Variants in SRCIN1 observed in about 807,000 individuals in gnomAD.
SRCIN1 encodes SRC kinase signaling inhibitor 1.
SRCIN1 carries 50 observed loss-of-function variants against 116.2 expected under a neutral mutation model. That is an observed-to-expected ratio of 0.43 (90% CI 0.34 to 0.54). SRCIN1 has a LOEUF of 0.54. Ranked by LOEUF, SRCIN1 falls within the 20% of genes least tolerant of loss-of-function variation. The pLI is 0.02. For synonymous variants in SRCIN1, 736 were observed against 750.0 expected, an observed-to-expected ratio of 0.98 and a Z score of 0.30; for missense variants, 1,446 against 1,672.0, an observed-to-expected ratio of 0.86 and a Z score of 2.36.
intron 1 of SRCIN1, among the ~76,000 whole-genome samples, chr17:38,581,887 A>T (rs554667401): frequency 9.9e-5 from 15 of 152,028 alleles, no homozygotes; most frequent in African/African-American, 3.6e-4. Context: ...GCCTCCCATA[A>T]CCCCTGACCT....
At chr17:38,547,564 G>A (rs1338128087) in intron 17 of SRCIN1, among the ~76,000 whole-genome samples, 1 of 152,198 alleles carries the variant, frequency 6.6e-6, no homozygotes. Flanking sequence ...AAGCAGCGGG[G>A]AGGAAGGGTT....
At chr17:38,537,219 A>G (rs1904444658) in intron 18 of SRCIN1, among the ~76,000 whole-genome samples, 1 of 150,486 alleles carries the variant, frequency 6.6e-6, no homozygotes, top group African/African-American at 2.5e-5. Context: ...AGCTGTGTGA[A>G]GCCGGGCTTG....
intron 1 of SRCIN1, among the ~76,000 whole-genome samples, chr17:38,586,485 C>G (rs1312081155): frequency 1.3e-5 from 2 of 152,228 alleles, no homozygotes; most frequent in African/African-American, 4.8e-5. Context: ...GCAAGGGAAA[C>G]TGAGGCTCAG....
chr17:38,589,271 C>T (rs981564651), intron 1 of SRCIN1, among the ~76,000 whole-genome samples: 6 of 152,228 alleles, frequency 3.9e-5, no homozygotes, highest in Non-Finnish European at 7.3e-5. Context: ...ATGCAGGGGT[C>T]TACATACCTG....
intron 1 of SRCIN1, among the ~76,000 whole-genome samples, chr17:38,583,777 G>A (rs1907956482): frequency 6.6e-6 from 1 of 151,774 alleles, no homozygotes; most frequent in African/African-American, 2.4e-5. Context: ...GGTCTCCAAC[G>A]CCTGACCTCA....
chr17:38,541,477 A>C (rs2144896142), intron 18 of SRCIN1: 1 of 152,186 alleles, frequency 6.6e-6, no homozygotes, highest in East Asian at 1.9e-4. Context: ...TTATGTCTGG[A>C]CACACGCATT....
intron 1 of SRCIN1, among the ~76,000 whole-genome samples, chr17:38,603,139 C>G (rs937108719): frequency 3.3e-5 from 5 of 152,084 alleles, no homozygotes; most frequent in Non-Finnish European, 7.4e-5. Flanking sequence ...CTAATTAAAC[C>G]CTTTTTCCAG....
chr17:38,564,270 G>A lies in SRCIN1; in HGVS notation c.389C>T (p.Ala130Val). The change falls in exon 4 of 19, where the codon GCA (alanine) becomes GTA (valine). Residue 130 changes from alanine to valine, a missense_variant. By Grantham distance (64) the Ala-to-Val change is moderately conservative. This residue lies in a region of SRCIN1 where 246 missense variants were observed against 265.1 expected (regional missense o/e 0.93). Coordinates refer to ENST00000617146, the MANE Select transcript of SRCIN1 (RefSeq NM_025248.3). ...GTAGGACAGCTTTGCCGCCTGGTCTGCCAGCCCGGGCTGGGCTCCCTGAGT... is the reference window on the plus strand; with the variant it reads ...GTAGGACAGCTTTGCCGCCTGGTCTACCAGCCCGGGCTGGGCTCCCTGAGT... ...RHTQGAQPGL[A>V]DQAAKLSYAS... 6.4e-7 allele frequency: 1 copy of A among 1,572,210 alleles called. No individual in the cohort carries two copies. The highest frequency in any genetic ancestry group is 1.2e-5 in the South Asian group (1 of 85,902).
At position 38,558,247 on chromosome 17, in the gene SRCIN1, C is replaced by T. The variant is rs760262369; in HGVS notation, c.2181G>A (p.Glu727=). The stretch of plus-strand genomic sequence containing the variant: ...CTCACTTGAGCTGCTGGGTAATAAG[C>T]TCCTCGTCGTTGAGATAGCGCAGCC... ...EERLRYLNDE[E]LITQQLNDLE... The change falls in exon 11 of 19, where the codon GAG becomes GAA. Residue 727 remains glutamate, a synonymous_variant. Coordinates refer to ENST00000617146, the MANE Select transcript of SRCIN1 (RefSeq NM_025248.3). This position sits in a 1 kb window ranked among gnomAD's most constrained non-coding sequence, Gnocchi z 4.6. The T allele has an allele frequency of 2.5e-6, 4 of 1,612,888 alleles. No individual in the cohort carries two copies. The Admixed American group carries it at 6.7e-5, about 27-fold the overall frequency.
At position 38,551,935 on chromosome 17, in the gene SRCIN1, C is replaced by T. The variant is rs750439874; in HGVS notation, c.2678G>A (p.Gly893Asp). The T allele has an allele frequency of 1.2e-6, 2 of 1,614,070 alleles. No homozygotes were observed. The highest frequency in any genetic ancestry group is 8.5e-7 in the Non-Finnish European group (1 of 1,179,910). ...LTPKGGNPTK[G>D]LDTPGKRSVD... Reference sequence around the variant, plus strand: ...GCTTCTCTTGCCAGGAGTGTCCAGGCCTTTGGTGGGGTTGCCCCCCTTGGG... The same window carrying T: ...GCTTCTCTTGCCAGGAGTGTCCAGGTCTTTGGTGGGGTTGCCCCCCTTGGG... Residue 893 changes from glycine to aspartate, a missense_variant, in exon 14 of 19, where the codon GGC (glycine) becomes GAC (aspartate). By Grantham distance (94) the Gly-to-Asp change is moderately conservative (BLOSUM62 -1). This residue lies in a region of SRCIN1 where 531 missense variants were observed against 633.9 expected (regional missense o/e 0.84). Coordinates refer to ENST00000617146, the MANE Select transcript of SRCIN1 (RefSeq NM_025248.3).
chr17:38,540,941 G>A lies in SRCIN1; in HGVS notation c.3417+2882C>T, dbSNP rs550033885. Among the ~76,000 whole-genome samples the A allele has an allele frequency of 3.3e-5, 5 of 152,238 alleles. No homozygotes were observed. The East Asian group carries it at 9.6e-4, about 29-fold the overall frequency. ...CCCTGCTTCTCTATACTTTACTGTTGAAAATTTCCACAGGGAGGCTGGTGG... is the reference window on the plus strand; with the variant it reads ...CCCTGCTTCTCTATACTTTACTGTTAAAAATTTCCACAGGGAGGCTGGTGG... On this transcript the variant is annotated intron_variant, in intron 18 of 18. Coordinates refer to ENST00000617146, the MANE Select transcript of SRCIN1 (RefSeq NM_025248.3).
chr17:38,533,454 G>A (rs1320209239), intron 18 of SRCIN1, 23 bp from the exon 19 acceptor site: 2 of 1,610,354 alleles, frequency 1.2e-6, no homozygotes, highest in Non-Finnish European at 1.7e-6. Context: ...CAGGGGTCAG[G>A]GGTCAGAGAG....
At chr17:38,588,167 TTCTGATC>T (rs1377186270) in intron 1 of SRCIN1, among the ~76,000 whole-genome samples, 1 of 152,152 alleles carries the variant, frequency 6.6e-6, no homozygotes, top group East Asian at 1.9e-4. Context: ...AGTCAGTTTC[TTCTGATC>T]TACCCCGGAG....
Position 38,551,973 on chromosome 17 carries a change from T to G in SRCIN1, c.2640A>C (p.Gly880=). 1.2e-6 allele frequency: 2 copies of G among 1,614,036 alleles called. No individual in the cohort carries two copies. The highest frequency in any genetic ancestry group is 1.7e-6 in the Non-Finnish European group (2 of 1,179,894). The part of the protein sequence containing the change: ...NLHELSGPAE[G]ASLTPKGGNP... Reference sequence around the variant, plus strand: ...TGCCCCCCTTGGGGGTAAGAGAGGCTCCTTCAGCTGGCCCGCTCAGCTCAT... The same window carrying G: ...TGCCCCCCTTGGGGGTAAGAGAGGCGCCTTCAGCTGGCCCGCTCAGCTCAT... The change falls in exon 14 of 19, where the codon GGA becomes GGC. Residue 880 remains glycine, a synonymous_variant. Coordinates refer to ENST00000617146, the MANE Select transcript of SRCIN1 (RefSeq NM_025248.3).
At chr17:38,547,839 G>A (rs576213681) in intron 17 of SRCIN1, 19 of 217,334 alleles carry the variant, frequency 8.7e-5, no homozygotes, top group Non-Finnish European at 1.3e-4. Flanking sequence ...AGCTGGCGGC[G>A]GGGCGTGGGG....
Position 38,562,758 on chromosome 17 carries a change from G to A in SRCIN1, c.834+69C>T, listed in dbSNP as rs35608876. The A allele has an allele frequency of 2.8e-6, 4 of 1,406,890 alleles. No individual in the cohort carries two copies. In the African/African-American group the frequency reaches 4.3e-5, roughly 15 times the overall value. 87.2% of individuals were successfully genotyped at this position (1,406,890 alleles called of 1,614,324 possible). ...CTGGCCCTGGTTCCAGATGACAACT[G>A]CCCAGACCCTGCTCCCCTGGACCCC... On this transcript the variant is annotated intron_variant, in intron 6 of 18. Coordinates refer to ENST00000617146, the MANE Select transcript of SRCIN1 (RefSeq NM_025248.3). This position sits in a 1 kb window ranked among gnomAD's most constrained non-coding sequence, Gnocchi z 4.2.
At chr17:38,564,644 AGGTGAGCAGCAGAATC>A (rs1394277632) in intron 3 of SRCIN1, among the ~76,000 whole-genome samples, 1 of 151,304 alleles carries the variant, frequency 6.6e-6, no homozygotes, top group Non-Finnish European at 1.5e-5. Flanking sequence ...TTTGTCACCG[AGGTGAGCAGCAGAATC>A]GTTGAGCAAA....
chr17:38,591,588 A>G (rs1404829560), intron 1 of SRCIN1, among the ~76,000 whole-genome samples: 1 of 152,178 alleles, frequency 6.6e-6, no homozygotes, highest in Non-Finnish European at 1.5e-5. Context: ...ATGTGCCAGG[A>G]AAAACAAATG....
In SRCIN1 at chr17:38,552,627, G is replaced by A; in HGVS notation, c.2333-33C>T. On this transcript the variant is annotated intron_variant, in intron 12 of 18. Transcript: ENST00000617146. The surrounding 1 kb of genome is among the most constrained non-coding windows in gnomAD (Gnocchi z 5.3). ...GACAGGAAGGCATGAGCTGGGGCCA[G>A]AGGGAGCACCACAGACTGGGAGGAG... 6.2e-7 allele frequency: 1 copy of A among 1,612,978 alleles called. No homozygotes were observed. Among genetic ancestry groups the A allele is most frequent in the Non-Finnish European group, 8.5e-7 (1 of 1,179,822 alleles).
Sources: allele counts gnomAD v4.1 joint callset (sites outside exome capture counted in the v4.1 genomes callset), GRCh38; gene constraint gnomAD v4.1.1; regional missense constraint gnomAD v4.1.1; non-coding constraint Gnocchi (gnomAD v3.1); transcripts MANE v1.5; gene names NCBI Gene and HGNC (gene_info 2026-07-23, HGNC 2026-07-21).